The following SPATS2 variants were observed in gnomAD, a reference collection of about 807,000 sequenced individuals.
SPATS2 encodes the protein spermatogenesis-associated serine-rich protein 2.
Under a neutral mutation model 63.7 loss-of-function variants are expected in SPATS2, and 38 were observed. The observed-to-expected ratio is 0.60, with a 90% CI of 0.46 to 0.78. SPATS2 has a LOEUF of 0.78. SPATS2 is among the 30% of genes least tolerant of loss of function. SPATS2 has a pLI of 0.00. For synonymous variants in SPATS2, 207 were observed against 232.9 expected (o/e 0.89, Z 1.01); for missense variants, 588 against 666.2 (o/e 0.88, Z 1.29).
In SPATS2 at chr12:49,487,844, C is replaced by G. The variant is rs565281874; in HGVS notation, c.106-1621C>G. Reference sequence around the variant, plus strand: ...TCCTGAGATCAAAGGATCCTCCCACCTCAGCCTCCCAAAAGTGCTGGCATT... The same window carrying G: ...TCCTGAGATCAAAGGATCCTCCCACGTCAGCCTCCCAAAAGTGCTGGCATT... On this transcript the variant is annotated intron_variant, in intron 4 of 13. Coordinates refer to ENST00000552918, the MANE Select transcript of SPATS2 (RefSeq NM_023071.4). Among the ~76,000 whole-genome samples the G allele has an allele frequency of 4.6e-5, 7 of 152,250 alleles. No individual in the cohort carries two copies. The South Asian group carries it at 1.5e-3, about 32-fold the overall frequency.
intron 2 of SPATS2, among the ~76,000 whole-genome samples, chr12:49,418,153 T>G (rs1027821975): frequency 4.1e-5 from 6 of 146,202 alleles, no homozygotes; most frequent in Non-Finnish European, 6.0e-5. Context: ...CTCACTCTGT[T>G]GCATAGGCCA....
chr12:49,491,610 C>T (rs1946384347), intron 6 of SPATS2, among the ~76,000 whole-genome samples: 2 of 152,142 alleles, frequency 1.3e-5, no homozygotes, highest in South Asian at 4.1e-4. Context: ...AGAAAGCACT[C>T]AGGCTATGGG....
intron 10 of SPATS2, among the ~76,000 whole-genome samples, chr12:49,518,029 T>G (rs748825460): frequency 1.3e-5 from 2 of 152,166 alleles, no homozygotes; most frequent in Non-Finnish European, 2.9e-5. Context: ...TCTCATCTAG[T>G]TAGTTAATAT....
chr12:49,460,597 G>A (rs1207403864), intron 2 of SPATS2, among the ~76,000 whole-genome samples, 173 bp from the exon 3 acceptor site: 1 of 152,190 alleles, frequency 6.6e-6, no homozygotes, highest in Non-Finnish European at 1.5e-5. Context: ...CTGATTCTAA[G>A]ATTAACTTTT....
At chr12:49,503,277 G>A (rs1329300645) in intron 9 of SPATS2, among the ~76,000 whole-genome samples, 2 of 151,922 alleles carry the variant, frequency 1.3e-5, no homozygotes, top group African/African-American at 4.8e-5. Context: ...TTGAACCCAG[G>A]AGGTGGAGGT....
At chr12:49,380,158 C>CCT (rs1220125671) in intron 2 of SPATS2, among the ~76,000 whole-genome samples, 10 of 150,706 alleles carry the variant, frequency 6.6e-5, no homozygotes, top group African/African-American at 2.2e-4. Context: ...CAACCTCATT[C>CCT]CTCTCTCTCT....
At chr12:49,490,619 G>C in intron 5 of SPATS2, 63 bp from the exon 6 acceptor site, 1 of 1,466,710 alleles carries the variant, frequency 6.8e-7, no homozygotes, top group Non-Finnish European at 9.5e-7. Flanking sequence ...GGAGGACACT[G>C]ACTCCTGCTT....
intron 3 of SPATS2, among the ~76,000 whole-genome samples, chr12:49,479,783 A>G (rs554402153): frequency 6.6e-6 from 1 of 152,356 alleles, no homozygotes; most frequent in South Asian, 2.1e-4. Flanking sequence ...TCAGTAGATT[A>G]TAGCAAGAAT....
chr12:49,434,968 T>C (rs1300440330), intron 2 of SPATS2, among the ~76,000 whole-genome samples: 2 of 151,670 alleles, frequency 1.3e-5, no homozygotes, highest in East Asian at 1.9e-4. Flanking sequence ...TTAATTAATA[T>C]AATATAGTAT....
chr12:49,442,615 C>T, intron 2 of SPATS2: 1 of 154,860 alleles, frequency 6.5e-6, no homozygotes. Context: ...CTTCGTTTCC[C>T]CCTTTGCAGG....
chr12:49,465,726 C>T (rs1338177149), intron 3 of SPATS2, among the ~76,000 whole-genome samples: 1 of 152,112 alleles, frequency 6.6e-6, no homozygotes, highest in African/African-American at 2.4e-5. Context: ...GGTGGATCAC[C>T]TGAGGTCAGG....
intron 13 of SPATS2, 134 bp from the exon 14 acceptor site, chr12:49,525,810 C>A: frequency 1.0e-6 from 1 of 963,852 alleles, no homozygotes; most frequent in Non-Finnish European, 1.5e-6. Flanking sequence ...TGAGAGAATT[C>A]TTTGAGTCTT....
At chr12:49,499,969 T>C (rs1388259565) in intron 8 of SPATS2, 101 bp from the exon 9 acceptor site, 2 of 918,054 alleles carry the variant, frequency 2.2e-6, no homozygotes, top group African/African-American at 3.5e-5. Context: ...GAAAGATTCT[T>C]AGTCTACATG....
chr12:49,519,414 C>T (rs1946901156), intron 11 of SPATS2, among the ~76,000 whole-genome samples: 1 of 152,126 alleles, frequency 6.6e-6, no homozygotes, highest in African/African-American at 2.4e-5. Context: ...CAGCACACTC[C>T]ATCCATTTGA....
chr12:49,494,696 CTTTT>C (rs1946435321), intron 6 of SPATS2, 41 bp from the exon 7 acceptor site: 1 of 1,465,546 alleles, frequency 6.8e-7, no homozygotes, highest in African/African-American at 1.4e-5. Context: ...GTGGGGGAAT[CTTTT>C]CTTTCTTTTC....
intron 2 of SPATS2, among the ~76,000 whole-genome samples, chr12:49,447,479 C>A (rs1477741571): frequency 2.0e-5 from 3 of 152,228 alleles, no homozygotes; most frequent in East Asian, 1.9e-4. Context: ...CCTCGTGATC[C>A]CCCCACCTCG....
chr12:49,454,765 C>T (rs994449002), intron 2 of SPATS2, among the ~76,000 whole-genome samples: 4 of 151,544 alleles, frequency 2.6e-5, no homozygotes, highest in Admixed American at 6.6e-5. Flanking sequence ...CGCCTGTAGC[C>T]GTGACTCAGG....
At chr12:49,432,622 T>C (rs1592389427) in intron 2 of SPATS2, among the ~76,000 whole-genome samples, 1 of 152,204 alleles carries the variant, frequency 6.6e-6, no homozygotes. Context: ...ACCATTCTAC[T>C]TTCTGTTTCT....
chr12:49,478,743 T>C (rs778475396), intron 3 of SPATS2, among the ~76,000 whole-genome samples: 1 of 152,156 alleles, frequency 6.6e-6, no homozygotes, highest in Non-Finnish European at 1.5e-5. Context: ...CTTCTGGTCT[T>C]TCTTTGGCCA....
Sources: gnomAD v4.1 joint callset for allele counts (sites outside exome capture counted in the v4.1 genomes callset) on GRCh38, gnomAD v4.1.1 for gene constraint, MANE v1.5 for transcripts, NCBI Gene and HGNC (gene_info 2026-07-23, HGNC 2026-07-21) for gene names.